Variants in VWA5A observed in about 807,000 individuals in gnomAD.
VWA5A encodes von Willebrand factor A domain-containing protein 5A.
VWA5A carries 77 observed loss-of-function variants against 84.6 expected under a neutral mutation model. That is an observed-to-expected ratio of 0.91 (90% confidence interval 0.76 to 1.10). The LOEUF (loss-of-function observed/expected upper bound fraction) is 1.10. VWA5A is among the 50% of genes least tolerant of loss of function. VWA5A has a pLI of 0.00. For synonymous variants in VWA5A, 334 were observed against 350.1 expected, an observed-to-expected ratio of 0.95 and a Z score of 0.51; for missense variants, 973 against 963.0, an observed-to-expected ratio of 1.01 and a Z score of -0.14.
intron 7 of VWA5A, among the ~76,000 whole-genome samples, chr11:124,120,964 C>A (rs1027893183): frequency 6.6e-6 from 1 of 152,166 alleles, no homozygotes; most frequent in Non-Finnish European, 1.5e-5. Flanking sequence ...CAAGGGGGGA[C>A]ATCAGGGACA....
In VWA5A at chr11:124,136,211, C is replaced by T. The variant is rs768122678; in HGVS notation, c.1442C>T (p.Ala481Val). The part of the protein sequence containing the change: ...LSWHLPPGLS[A>V]KMLSPEQTVI... ...TGGCATTTGCCTCCTGGTCTGTCTG[C>T]TAAAATGCTTTCCCCAGAACAGACT... is the stretch of plus-strand genomic sequence containing the variant. Residue 481 changes from alanine (A) to valine (V), a missense_variant, in exon 13 of 19, where the codon GCT becomes GTT. Physicochemically the swap from Ala to Val is moderately conservative, Grantham distance 64 (BLOSUM62 0). Transcript: ENST00000456829. The T allele has an allele frequency of 5.0e-6, 8 of 1,614,210 alleles. No homozygotes were observed. Among genetic ancestry groups the T allele is most frequent in the South Asian group, 1.1e-5 (1 of 91,088 alleles).
chr11:124,140,815 T>C (rs1324538513), intron 15 of VWA5A, among the ~76,000 whole-genome samples: 1 of 152,190 alleles, frequency 6.6e-6, no homozygotes, highest in Non-Finnish European at 1.5e-5. Context: ...AGCAAGTTTG[T>C]AGGCTCAAGT....
intron 16 of VWA5A, among the ~76,000 whole-genome samples, chr11:124,142,099 T>C (rs1860740984): frequency 6.6e-6 from 1 of 152,136 alleles, no homozygotes; most frequent in Admixed American, 6.5e-5. Flanking sequence ...GCTAGGTTCA[T>C]TAGGATATCA....
At chr11:124,118,874 T>C in intron 6 of VWA5A, 101 bp from the exon 7 acceptor site, 1 of 1,358,462 alleles carries the variant, frequency 7.4e-7, no homozygotes, top group East Asian at 2.5e-5. Flanking sequence ...CCTCTGTTCC[T>C]AGTCATGCTG....
At position 124,137,157 on chromosome 11, in the gene VWA5A, G is replaced by A. The variant is rs770964591; in HGVS notation, c.1768G>A (p.Ala590Thr). Residue 590 changes from alanine (A) to threonine (T), a missense_variant, in exon 15 of 19, where the codon GCT (alanine) becomes ACT (threonine). By Grantham distance (58) the Ala-to-Thr change is moderately conservative. Transcript: ENST00000456829. ...GVISSFTAFI[A>T]INKELNKPVQ... is the part of the protein sequence containing the mutation. ...CATAAGCTCCTTCACAGCTTTCATT[G>A]CTATCAATAAGGAGCTCAACAAGCC... The A allele has an allele frequency of 6.2e-7, 1 of 1,614,032 alleles. No individual in the cohort carries two copies. The highest frequency in any genetic ancestry group is 1.1e-5 in the South Asian group (1 of 91,076).
intron 17 of VWA5A, among the ~76,000 whole-genome samples, chr11:124,143,513 G>A (rs1235554841): frequency 6.6e-6 from 1 of 152,086 alleles, no homozygotes; most frequent in Non-Finnish European, 1.5e-5. Context: ...GCTATGGTGG[G>A]AAATACATAC....
At chr11:124,118,771 C>T in intron 6 of VWA5A, 63 bp downstream of exon 6, 4 of 1,550,606 alleles carry the variant, frequency 2.6e-6, no homozygotes, top group Non-Finnish European at 3.5e-6. Context: ...GACTTGGTCC[C>T]CAACCAGTTC....
rs1361579289 is a variant in VWA5A, at chr11:124,123,388, A to G, written c.953A>G (p.Lys318Arg). The G allele has an allele frequency of 1.2e-6, 2 of 1,613,790 alleles. No individual in the cohort carries two copies. The highest frequency in any genetic ancestry group is 1.1e-5 in the South Asian group (1 of 90,986). Residue 318 changes from lysine (K) to arginine (R), a missense_variant, in exon 9 of 19, where the codon AAG becomes AGG. By Grantham distance (26) the Lys-to-Arg change is conservative. Coordinates refer to ENST00000456829, the MANE Select transcript of VWA5A (RefSeq NM_001130142.2). ...CAGGAAACACTGATTTTGCTGCTGA[A>G]GAGTTTACCTATAGGCTGTTATTTC... ...AAKETLILLL[K>R]SLPIGCYFNI...
intron 11 of VWA5A, chr11:124,124,702 G>A (rs534466675): frequency 3.0e-6 from 1 of 336,514 alleles, no homozygotes; most frequent in South Asian, 1.0e-4. Flanking sequence ...AACTGGAATG[G>A]TCGTAGGCCT....
chr11:124,140,170 C>G lies in VWA5A; in HGVS notation c.1880-1428C>G, dbSNP rs113397097. Reference sequence around the variant, plus strand: ...AATGATGCATGATCATTTTAACGTACTTCTGAATGTGGTTTGCTAATATTT... The same window carrying G: ...AATGATGCATGATCATTTTAACGTAGTTCTGAATGTGGTTTGCTAATATTT... On this transcript the variant is annotated intron_variant, in intron 15 of 18. Transcript: ENST00000456829. 1.0e-3 allele frequency among the ~76,000 whole-genome samples: 153 copies of G among 152,250 alleles called. 2 individuals are homozygous for G. Among genetic ancestry groups the G allele is most frequent in the African/African-American group, 3.5e-3 (144 of 41,552 alleles).
At chr11:124,134,079 C>A (rs1423731624) in intron 11 of VWA5A, among the ~76,000 whole-genome samples, 1 of 152,264 alleles carries the variant, frequency 6.6e-6, no homozygotes, top group East Asian at 1.9e-4. Context: ...ATAACATAGG[C>A]TACAATTCAA....
Position 124,118,474 on chromosome 11 carries a change from G to T in VWA5A, c.470-59G>T, listed in dbSNP as rs1293272376. 10 of 1,611,470 alleles carry T rather than the reference G, an allele frequency of 6.2e-6. No homozygotes were observed. In the South Asian group the frequency reaches 1.1e-4, roughly 18 times the overall value. On this transcript the variant is annotated intron_variant, in intron 5 of 18. Coordinates refer to ENST00000456829, the MANE Select transcript of VWA5A (RefSeq NM_001130142.2). ...ACATAAATGGGGAAATTTTCTTAAG[G>T]TTGAGAGTGTCATAAAAAGTGTTGG...
At chr11:124,118,470 T>A in intron 5 of VWA5A, 59 bp downstream of exon 5, 1 of 1,610,954 alleles carries the variant, frequency 6.2e-7, no homozygotes. Flanking sequence ...GAAATTTTCT[T>A]AAGGTTGAGA....
chr11:124,128,994 C>G (rs2137644984), intron 11 of VWA5A, among the ~76,000 whole-genome samples: 2 of 152,300 alleles, frequency 1.3e-5, no homozygotes, highest in East Asian at 1.9e-4. Context: ...CCTGATTGCC[C>G]TGGCCAGAAC....
rs1442291050 is a variant in VWA5A, at chr11:124,117,845, A to T, written c.216A>T (p.Lys72Asn). 2 of 1,614,168 alleles carry T rather than the reference A, an allele frequency of 1.2e-6. No individual in the cohort carries two copies. The highest frequency in any genetic ancestry group is 3.3e-5 in the Admixed American group (2 of 60,020). The change falls in exon 4 of 19, where the codon AAA becomes AAT. Residue 72 changes from lysine (K) to asparagine (N), a missense_variant. Coordinates refer to ENST00000456829, the MANE Select transcript of VWA5A (RefSeq NM_001130142.2). ...YSFEALVDGK[K>N]IVAELQDKMK... ...TTGAGGCCTTGGTGGATGGGAAGAA[A>T]ATTGTAGCAGAATTACAAGACAAGA... is the stretch of plus-strand genomic sequence containing the variant.
At chr11:124,124,640 A>C in intron 11 of VWA5A, 1 of 904,244 alleles carries the variant, frequency 1.1e-6, no homozygotes, top group Non-Finnish European at 1.4e-6. Context: ...ATAAGCATAC[A>C]ACTGGACTCA....
At chr11:124,125,122 A>G (rs1487690622) in intron 11 of VWA5A, among the ~76,000 whole-genome samples, 1 of 152,194 alleles carries the variant, frequency 6.6e-6, no homozygotes, top group Non-Finnish European at 1.5e-5. Context: ...GAGTAGACAG[A>G]ATTGTGGAGT....
Position 124,135,654 on chromosome 11 carries a change from C to T in VWA5A, c.1360-475C>T, listed in dbSNP as rs865908191. Among the ~76,000 whole-genome samples the T allele has an allele frequency of 2.0e-3, 292 of 146,250 alleles. 5 individuals carry two copies. The highest frequency in any genetic ancestry group is 7.1e-3 in the African/African-American group (277 of 39,104). On this transcript the variant is annotated intron_variant, in intron 12 of 18. Coordinates refer to ENST00000456829, the MANE Select transcript of VWA5A (RefSeq NM_001130142.2). ...CACGCCATTCTCCTGCCTCAGCCTC[C>T]TGAGTAGCTGGGACTACAGGCGCCC...
Position 124,136,165 on chromosome 11 carries a change from G to A in VWA5A, c.1396G>A (p.Val466Ile). Residue 466 changes from valine to isoleucine, a missense_variant, in exon 13 of 19, where the codon GTA (valine) becomes ATA (isoleucine). Val to Ile is a conservative substitution (Grantham distance 29). Transcript: ENST00000456829. ...RTLKRSLQPV[V>I]EDVSLSWHLP... ...TCTGAAACGCTCTCTGCAGCCTGTG[G>A]TAGAGGATGTCTCTCTGAGCTGGCA... 1 of 1,614,150 alleles carries A rather than the reference G, an allele frequency of 6.2e-7. No homozygotes were observed.
Sources: allele counts gnomAD v4.1 joint callset (sites outside exome capture counted in the v4.1 genomes callset), GRCh38; gene constraint gnomAD v4.1.1; transcripts MANE v1.5; gene names NCBI Gene and HGNC (gene_info 2026-07-23, HGNC 2026-07-21).